Variants in POGLUT2 observed in about 807,000 individuals in gnomAD.
POGLUT2 encodes the protein protein O-glucosyltransferase 2.
Under a neutral mutation model 57.6 loss-of-function variants are expected in POGLUT2, and 47 were observed. That is an observed-to-expected ratio of 0.82 (90% CI 0.65 to 1.04). The LOEUF is 1.04. Ranked by LOEUF, POGLUT2 falls within the 50% of genes least tolerant of loss-of-function variation. The pLI is 0.00. For missense variants in POGLUT2, 565 were observed against 614.8 expected (o/e 0.92, Z 0.86); for synonymous variants, 200 against 218.8 (o/e 0.91, Z 0.76).
At chr13:102,787,456 A>G (rs189687577) in intron 8 of POGLUT2, among the ~76,000 whole-genome samples, 215 of 152,340 alleles carry the variant, frequency 1.4e-3, no homozygotes, top group African/African-American at 5.0e-3. Context: ...TGGCTCATAC[A>G]GAGTCAAGAC....
chr13:102,786,130 T>A, intron 9 of POGLUT2, 102 bp downstream of exon 9: 1 of 755,554 alleles, frequency 1.3e-6, no homozygotes, highest in South Asian at 1.6e-5. Context: ...CGAGAGGAAC[T>A]CAAATATTTG....
Position 102,793,618 on chromosome 13 carries a change from T to C in POGLUT2, c.577A>G (p.Thr193Ala), listed in dbSNP as rs1416057098. 6.2e-7 allele frequency: 1 copy of C among 1,613,582 alleles called. No individual in the cohort carries two copies. Among genetic ancestry groups the C allele is most frequent in the South Asian group, 1.1e-5 (1 of 91,060 alleles). ...TGTTGTACCTTGTTATCCTTTAAGG[T>C]GTAGTGACATAGGCTCTGCCTCTGT... ...FGQRQSLCHYTLKDNKVYIKT... is the reference protein window; with the variant it reads ...FGQRQSLCHYALKDNKVYIKT... Residue 193 changes from threonine (T) to alanine (A), a missense_variant, in exon 3 of 10, where the codon ACC (threonine) becomes GCC (alanine). Physicochemically the swap from Thr to Ala is moderately conservative, Grantham distance 58 (BLOSUM62 0). Transcript: ENST00000376004.
intron 8 of POGLUT2, among the ~76,000 whole-genome samples, chr13:102,786,719 T>C (rs898092843): frequency 1.3e-5 from 2 of 152,190 alleles, no homozygotes; most frequent in African/African-American, 4.8e-5. Context: ...ATCATCTTCA[T>C]TTATCATGTG....
At chr13:102,788,897 A>C (rs1273014422) in intron 7 of POGLUT2, 115 bp downstream of exon 7, 1 of 904,824 alleles carries the variant, frequency 1.1e-6, no homozygotes, top group Non-Finnish European at 1.8e-6. Flanking sequence ...TCCCATTTAC[A>C]GGCCAAAGTC....
chr13:102,794,311 A>G (rs1353411551), intron 2 of POGLUT2, among the ~76,000 whole-genome samples: 1 of 152,112 alleles, frequency 6.6e-6, no homozygotes, highest in Non-Finnish European at 1.5e-5. Context: ...AGCTCTTCAC[A>G]GTGAAGTTTT....
At chr13:102,795,143 T>TCATGCAGCTGAGG (rs1391317095) in intron 2 of POGLUT2, among the ~76,000 whole-genome samples, 1 of 151,066 alleles carries the variant, frequency 6.6e-6, no homozygotes, top group East Asian at 1.9e-4. Flanking sequence ...TCTCAGCTAT[T>TCATGCAGCTGAGG]TGGGTGGCTG....
intron 4 of POGLUT2, chr13:102,792,110 G>T (rs1878204479): frequency 7.8e-7 from 1 of 1,278,608 alleles, no homozygotes; most frequent in African/African-American, 1.5e-5. Context: ...GTTTAAAGGA[G>T]GCTTAATATT....
Position 102,798,709 on chromosome 13 carries a change from A to G in POGLUT2, c.-39T>C. On this transcript the variant is annotated 5_prime_UTR_variant, in exon 1 of 10. Transcript: ENST00000376004. ...TCTCGAAATGATCCACCGATAAATG[A>G]AGAAGTGTAAGAGGTGGACAGAAGC... is the stretch of plus-strand genomic sequence containing the variant. 6.5e-7 allele frequency: 1 copy of G among 1,544,604 alleles called. No homozygotes were observed. The highest frequency in any genetic ancestry group is 1.2e-5 in the South Asian group (1 of 81,330).
chr13:102,789,419 T>G (rs1566436112), intron 6 of POGLUT2, among the ~76,000 whole-genome samples, 198 bp from the exon 7 acceptor site: 1 of 152,248 alleles, frequency 6.6e-6, no homozygotes, highest in Non-Finnish European at 1.5e-5. Context: ...GATGTGCTTC[T>G]CAATTTTACA....
intron 9 of POGLUT2, among the ~76,000 whole-genome samples, chr13:102,785,891 TATCTC>T (rs1295818256): frequency 6.6e-6 from 1 of 152,240 alleles, no homozygotes; most frequent in East Asian, 1.9e-4. Context: ...TTGCCAAACT[TATCTC>T]ATGAGGAGAT....
intron 2 of POGLUT2, 37 bp downstream of exon 2, chr13:102,796,767 T>C (rs1297151886): frequency 9.5e-7 from 1 of 1,051,668 alleles, no homozygotes; most frequent in Non-Finnish European, 1.4e-6. Context: ...ATTATTTTAT[T>C]CAAATACTGC....
intron 8 of POGLUT2, among the ~76,000 whole-genome samples, chr13:102,786,559 T>C (rs1202738708): frequency 6.7e-6 from 1 of 149,056 alleles, no homozygotes. Flanking sequence ...CAGACACCTC[T>C]TTATGCTATC....
At position 102,798,729 on chromosome 13, in the gene POGLUT2, A is replaced by C; in HGVS notation, c.-59T>G. The C allele has an allele frequency of 6.9e-7, 1 of 1,456,924 alleles. No individual in the cohort carries two copies. The highest frequency in any genetic ancestry group is 9.1e-7 in the Non-Finnish European group (1 of 1,096,510). The allele number at this position is 1,456,924 out of a possible 1,614,324, so 90.2% of individuals were successfully genotyped here. A position where few individuals can be genotyped will look rare whatever the true frequency, so the allele number is the denominator to read the frequency against. On this transcript the variant is annotated 5_prime_UTR_variant, in exon 1 of 10. Coordinates refer to ENST00000376004, the MANE Select transcript of POGLUT2 (RefSeq NM_024089.3). Reference sequence around the variant, plus strand: ...AAATGAAGAAGTGTAAGAGGTGGACAGAAGCAGCCGAGCCTTCGGCAGGGA... The same window carrying C: ...AAATGAAGAAGTGTAAGAGGTGGACCGAAGCAGCCGAGCCTTCGGCAGGGA...
At chr13:102,789,365 G>T in intron 6 of POGLUT2, 144 bp from the exon 7 acceptor site, 1 of 647,688 alleles carries the variant, frequency 1.5e-6, no homozygotes, top group South Asian at 1.9e-5. Flanking sequence ...CGTTTAGTAA[G>T]TGTTATTAAA....
Position 102,793,591 on chromosome 13 carries a change from T to G in POGLUT2, c.594+10A>C. The G allele has an allele frequency of 6.2e-7, 1 of 1,603,868 alleles. No homozygotes were observed. Among genetic ancestry groups the G allele is most frequent in the Non-Finnish European group, 8.5e-7 (1 of 1,171,796 alleles). On this transcript the variant is annotated intron_variant, in intron 3 of 9. Coordinates refer to ENST00000376004, the MANE Select transcript of POGLUT2 (RefSeq NM_024089.3). Reference sequence around the variant, plus strand: ...ACTAAAACAAACAAGCAAAAAATCATGTGTTGTACCTTGTTATCCTTTAAG... The same window carrying G: ...ACTAAAACAAACAAGCAAAAAATCAGGTGTTGTACCTTGTTATCCTTTAAG...
At chr13:102,793,545 T>C (rs1292437096) in intron 3 of POGLUT2, 56 bp downstream of exon 3, 1 of 1,501,866 alleles carries the variant, frequency 6.7e-7, no homozygotes, top group Non-Finnish European at 9.3e-7. Flanking sequence ...TAGCCAAATG[T>C]TCAAAACAAG....
intron 9 of POGLUT2, 90 bp downstream of exon 9, chr13:102,786,142 T>G: frequency 1.2e-6 from 1 of 800,198 alleles, no homozygotes; most frequent in Non-Finnish European, 2.2e-6. Context: ...AAATATTTGC[T>G]GCCTGATTGA....
intron 4 of POGLUT2, chr13:102,793,066 G>A: frequency 2.8e-6 from 1 of 356,726 alleles, no homozygotes; most frequent in Non-Finnish European, 5.1e-6. Context: ...GTGAGCCATG[G>A]CACCTAGCTG....
rs1219504438 is a variant in POGLUT2 at position 102,798,837 on chromosome 13, C to G, written c.-167G>C. The G allele has an allele frequency of 1.6e-6, 1 of 630,904 alleles. No individual in the cohort carries two copies. The highest frequency in any genetic ancestry group is 2.6e-6 in the Non-Finnish European group (1 of 391,930). The allele number at this position is 630,904 out of a possible 1,614,324, so 39.1% of individuals were successfully genotyped here. A position where few individuals can be genotyped will look rare whatever the true frequency, so the allele number is the denominator to read the frequency against. On this transcript the variant is annotated 5_prime_UTR_variant, in exon 1 of 10. Coordinates refer to ENST00000376004, the MANE Select transcript of POGLUT2 (RefSeq NM_024089.3). Reference sequence around the variant, plus strand: ...GGCAGGCGCGCGGGTCTCCGCGACCCCAGGACAATCAAAGCCCGTGCCCCG... The same window carrying G: ...GGCAGGCGCGCGGGTCTCCGCGACCGCAGGACAATCAAAGCCCGTGCCCCG...
Sources: allele counts gnomAD v4.1 joint callset (sites outside exome capture counted in the v4.1 genomes callset), GRCh38; gene constraint gnomAD v4.1.1; transcripts MANE v1.5; gene names NCBI Gene and HGNC (gene_info 2026-07-23, HGNC 2026-07-21).